MS4A6A: variants seen among roughly 807,000 people sequenced by gnomAD.
The protein encoded by MS4A6A is membrane-spanning 4-domains subfamily A member 6A.
MS4A6A carries 19 observed loss-of-function variants against 20.6 expected under a neutral mutation model. The ratio of observed to expected loss-of-function variants is 0.92; its 90% CI spans 0.64 to 1.36. The LOEUF (loss-of-function observed/expected upper bound fraction) is 1.36. Ranked by LOEUF, MS4A6A falls within the 40% of genes most tolerant of loss-of-function variation. The pLI is 0.00. For missense variants in MS4A6A, 272 were observed against 261.1 expected, an observed-to-expected ratio of 1.04 and a Z score of -0.29; for synonymous variants, 108 against 105.0, an observed-to-expected ratio of 1.03 and a Z score of -0.17.
intron 4 of MS4A6A, among the ~76,000 whole-genome samples, chr11:60,177,828 T>A (rs1191266592): frequency 6.6e-6 from 1 of 152,032 alleles, no homozygotes; most frequent in African/African-American, 2.4e-5. Flanking sequence ...TTTGGATACC[T>A]CACATGAACA....
At chr11:60,174,341 T>TTTTTTTG (rs1393251832) in intron 5 of MS4A6A, among the ~76,000 whole-genome samples, 1 of 150,168 alleles carries the variant, frequency 6.7e-6, no homozygotes. Flanking sequence ...TTTTTTTTTT[T>TTTTTTTG]GAGACGGAGT....
chr11:60,175,956 C>A (rs1332383341), intron 4 of MS4A6A, among the ~76,000 whole-genome samples: 1 of 152,196 alleles, frequency 6.6e-6, no homozygotes, highest in African/African-American at 2.4e-5. Context: ...GTGAAGGTGG[C>A]AACGTACCAG....
Position 60,180,638 on chromosome 11 carries a change from T to C in MS4A6A, c.148-673A>G, listed in dbSNP as rs191731569. 782 of 166,584 alleles carry C rather than the reference T, an allele frequency of 4.7e-3. 3 individuals are homozygous for C. The highest frequency in any genetic ancestry group is 8.1e-3 in the Non-Finnish European group (624 of 77,348). The allele number at this position is 166,584 out of a possible 1,614,324, so 10.3% of individuals were successfully genotyped here. Reference sequence around the variant, plus strand: ...ATTAGTTATTTTTCCTGATCCTCTCTCTCCTCCCACCCTCCACCCTCTGAA... The same window carrying C: ...ATTAGTTATTTTTCCTGATCCTCTCCCTCCTCCCACCCTCCACCCTCTGAA... On this transcript the variant is annotated intron_variant, in intron 2 of 5. Coordinates refer to ENST00000528851, the MANE Select transcript of MS4A6A (RefSeq NM_022349.4).
Position 60,172,672 on chromosome 11 carries a change from T to C in MS4A6A, c.*329A>G. The C allele has an allele frequency of 8.5e-7, 1 of 1,172,810 alleles. No individual in the cohort carries two copies. Among genetic ancestry groups the C allele is most frequent in the South Asian group, 2.1e-5 (1 of 47,468 alleles). The allele number at this position is 1,172,810 out of a possible 1,614,324, so 72.7% of individuals were successfully genotyped here. ...GGTTGTGGCAGAAATTGTTTCTGCT[T>C]ATAAGGGAGGCAAGCCAGGTTCTAG... On this transcript the variant is annotated 3_prime_UTR_variant, in exon 6 of 6. Transcript: ENST00000528851.
At chr11:60,178,352 A>C (rs1856956121) in intron 3 of MS4A6A, 36 bp from the exon 4 acceptor site, 1 of 1,565,966 alleles carries the variant, frequency 6.4e-7, no homozygotes, top group Middle Eastern at 1.7e-4. Context: ...GTCAGATTCC[A>C]TGTACAGAGT....
rs1856666661 is a variant in MS4A6A at position 60,173,128 on chromosome 11, C to T, written c.551G>A (p.Gly184Glu). The change falls in exon 6 of 6, where the codon GGA becomes GAA. Residue 184 changes from glycine (G) to glutamate (E), a missense_variant and splice_region_variant. Coordinates refer to ENST00000528851, the MANE Select transcript of MS4A6A (RefSeq NM_022349.4). ...DCYTAKASLA[G>E]TLSLMLICTL... is the part of the protein sequence containing the mutation. ...GCAAATCAGCATCAGAGAGAGAGTT[C>T]CCTGAAAGTCAAGAAATAAAAGATT... 1 of 1,612,984 alleles carries T rather than the reference C, an allele frequency of 6.2e-7. No homozygotes were observed. Among genetic ancestry groups the T allele is most frequent in the African/African-American group, 1.3e-5 (1 of 74,846 alleles).
At chr11:60,178,970 T>C (rs1348518387) in intron 3 of MS4A6A, 1 of 278,080 alleles carries the variant, frequency 3.6e-6, no homozygotes. Flanking sequence ...GGAGACATCA[T>C]GACAAAATGT....
chr11:60,184,553 C>T (rs901138803), upstream of MS4A6A: 3 of 152,416 alleles, frequency 2.0e-5, no homozygotes, highest in East Asian at 5.8e-4. Context: ...TAAGCAAAGG[C>T]TCCCTCTCCA....
At chr11:60,172,252 C>T (rs1406189274), downstream of MS4A6A, 1 of 1,612,790 alleles carries the variant, frequency 6.2e-7, no homozygotes, top group Non-Finnish European at 8.5e-7. Flanking sequence ...GAAAAGTACA[C>T]TCTAGAAGAA....
At chr11:60,179,328 G>T (rs1816780742) in intron 3 of MS4A6A, among the ~76,000 whole-genome samples, 2 of 152,110 alleles carry the variant, frequency 1.3e-5, no homozygotes, top group South Asian at 4.1e-4. Flanking sequence ...CAATCACTGG[G>T]CATAGATATC....
In MS4A6A at chr11:60,183,043, T is replaced by G; in HGVS notation, c.-80A>C. The G allele has an allele frequency of 6.9e-7, 1 of 1,451,590 alleles. No homozygotes were observed. The highest frequency in any genetic ancestry group is 9.0e-7 in the Non-Finnish European group (1 of 1,110,066). The allele number at this position is 1,451,590 out of a possible 1,614,324, so 89.9% of individuals were successfully genotyped here. On this transcript the variant is annotated 5_prime_UTR_variant, in exon 1 of 6. Transcript: ENST00000528851. Reference sequence around the variant, plus strand: ...AGAGGTTTTAACTCTGGTTTCTCAGTCCCATCAACGGTTTCTACTTACCTT... The same window carrying G: ...AGAGGTTTTAACTCTGGTTTCTCAGGCCCATCAACGGTTTCTACTTACCTT...
chr11:60,175,402 A>G lies in MS4A6A; in HGVS notation c.549T>C (p.Ala183=). 2.5e-6 allele frequency: 4 copies of G among 1,611,062 alleles called. No homozygotes were observed. Among genetic ancestry groups the G allele is most frequent in the Non-Finnish European group, 3.4e-6 (4 of 1,177,334 alleles). The change falls in exon 5 of 6, where the codon GCT becomes GCC. Residue 183 remains alanine, a splice_region_variant and synonymous_variant. Transcript: ENST00000528851. The stretch of plus-strand genomic sequence containing the variant: ...GAACATCCCATCTAAAAATACTTAC[A>G]GCCAGACTGGCTTTGGCTGTATAGC... The part of the protein sequence containing the change: ...TDCYTAKASL[A]GTLSLMLICT...
chr11:60,181,442 C>T (rs1857127541), intron 2 of MS4A6A, 139 bp downstream of exon 2: 2 of 962,090 alleles, frequency 2.1e-6, no homozygotes, highest in Non-Finnish European at 3.1e-6. Flanking sequence ...ACAGTTTTCT[C>T]CAAGTGGCTT....
rs549844018 is a variant in MS4A6A at position 60,172,946 on chromosome 11, A to G, written c.*55T>C. On this transcript the variant is annotated 3_prime_UTR_variant, in exon 6 of 6. Transcript: ENST00000528851. ...TCATGACTGACTGATTGTTCCTTCT[A>G]CCACTCTTGGTGACATACTCAACAC... 6.2e-7 allele frequency: 1 copy of G among 1,607,604 alleles called. No homozygotes were observed. The highest frequency in any genetic ancestry group is 1.3e-5 in the African/African-American group (1 of 74,884).
chr11:60,183,211 G>A (rs2083833646), upstream of MS4A6A: 3 of 1,531,674 alleles, frequency 2.0e-6, no homozygotes, highest in Non-Finnish European at 1.7e-6. Context: ...ACCATGAAAA[G>A]AGCCAACTAA....
upstream of MS4A6A, chr11:60,183,442 A>G (rs1211168016): frequency 2.2e-6 from 1 of 450,164 alleles, no homozygotes; most frequent in African/African-American, 2.0e-5. Context: ...GTAACTAATA[A>G]CAGTAATAGT....
At chr11:60,183,258 G>A, upstream of MS4A6A, 1 of 1,325,750 alleles carries the variant, frequency 7.5e-7, no homozygotes. Flanking sequence ...AGCCTTATGT[G>A]TGAATTGCCA....
In MS4A6A at chr11:60,178,372, G is replaced by A. The variant is rs970621227; in HGVS notation, c.283-56C>T. On this transcript the variant is annotated intron_variant, in intron 3 of 5. Coordinates refer to ENST00000528851, the MANE Select transcript of MS4A6A (RefSeq NM_022349.4). The stretch of plus-strand genomic sequence containing the variant: ...ATTCCATGTACAGAGTACCTTCGAC[G>A]TCACTATCACAATGTTTATAGACAA... The A allele has an allele frequency of 1.4e-4, 193 of 1,393,328 alleles. No individual in the cohort carries two copies. In the East Asian group the frequency reaches 3.8e-3, roughly 27 times the overall value. The allele number at this position is 1,393,328 out of a possible 1,614,324, so 86.3% of individuals were successfully genotyped here.
chr11:60,181,063 C>G, intron 2 of MS4A6A: 2 of 453,850 alleles, frequency 4.4e-6, no homozygotes, highest in South Asian at 1.6e-5. Flanking sequence ...TTTCTCTCCT[C>G]CCTTCATGCA....
Sources: gnomAD v4.1 joint callset for allele counts (sites outside exome capture counted in the v4.1 genomes callset) on GRCh38, gnomAD v4.1.1 for gene constraint, MANE v1.5 for transcripts, NCBI Gene and HGNC (gene_info 2026-07-23, HGNC 2026-07-21) for gene names.